SLC17A5: variants seen among roughly 807,000 people sequenced by gnomAD.
SLC17A5 encodes sialin.
Under a neutral mutation model 59.4 loss-of-function variants are expected in SLC17A5, and 47 were observed. The observed-to-expected ratio is 0.79, with a 90% CI of 0.63 to 1.01. SLC17A5 has a LOEUF of 1.01. Among genes scored for constraint, SLC17A5 ranks in the 50% least tolerant of loss-of-function variants. The pLI is 0.00. For synonymous variants in SLC17A5, 202 were observed against 210.7 expected (o/e 0.96, Z 0.36); for missense variants, 522 against 595.5 (o/e 0.88, Z 1.28).
chr6:73,610,094 T>C (rs1581962344), intron 9 of SLC17A5, among the ~76,000 whole-genome samples: 1 of 152,052 alleles, frequency 6.6e-6, no homozygotes, highest in African/African-American at 2.4e-5. Flanking sequence ...AGTGCAATGA[T>C]GCGATCTCAG....
At chr6:73,636,528 G>T in intron 5 of SLC17A5, 93 bp downstream of exon 5, 1 of 762,324 alleles carries the variant, frequency 1.3e-6, no homozygotes. Context: ...GTGGTTCAGT[G>T]ATTTGGAAGA....
chr6:73,599,510 T>C (rs1405237595), intron 10 of SLC17A5, among the ~76,000 whole-genome samples: 2 of 152,236 alleles, frequency 1.3e-5, no homozygotes, highest in Non-Finnish European at 2.9e-5. Context: ...GCATTATCAG[T>C]AAGTGAAATG....
chr6:73,610,374 C>T (rs1245752569), intron 9 of SLC17A5, 26 bp downstream of exon 9: 1 of 1,612,726 alleles, frequency 6.2e-7, no homozygotes, highest in Admixed American at 1.7e-5. Context: ...AAGTCAATCA[C>T]AGCAAATCTT....
At chr6:73,650,213 A>G (rs9360695) in intron 1 of SLC17A5, among the ~76,000 whole-genome samples, 102,451 of 136,750 alleles carry the variant, frequency 0.75, 38,381 homozygotes, top group South Asian at 0.83. Flanking sequence ...AAAAAAAAAA[A>G]AAGAAAGAAA....
intron 2 of SLC17A5, among the ~76,000 whole-genome samples, chr6:73,643,298 C>A (rs1452439267): frequency 6.7e-6 from 1 of 149,276 alleles, no homozygotes; most frequent in Non-Finnish European, 1.5e-5. Flanking sequence ...GTAGCTGGGA[C>A]CACAGGCGCC....
chr6:73,608,907 C>G (rs1007183682), intron 9 of SLC17A5, among the ~76,000 whole-genome samples: 4 of 152,138 alleles, frequency 2.6e-5, no homozygotes, highest in African/African-American at 9.7e-5. Flanking sequence ...GCAGTCCCAG[C>G]GACTCAGGAG....
At position 73,638,418 on chromosome 6, in the gene SLC17A5, A is replaced by C. The variant is rs1581984907; in HGVS notation, c.607T>G (p.Tyr203Asp). Residue 203 changes from tyrosine to aspartate, a missense_variant, in exon 4 of 11, where the codon TAT becomes GAT. Tyr to Asp is a radical substitution (Grantham distance 160). This residue lies in a region of SLC17A5 where 338 missense variants were observed against 363.8 expected (regional missense o/e 0.93). Coordinates refer to ENST00000355773, the MANE Select transcript of SLC17A5 (RefSeq NM_012434.5). The stretch of plus-strand genomic sequence containing the variant: ...TTGGTAATTGTTATCTCACCTGCAT[A>C]TGAAATGCTAAGAAGTTTGCTTCTT... ...LERSKLLSIS[Y>D]AGAQLGTVIS... The C allele has an allele frequency of 1.2e-6, 2 of 1,612,938 alleles. No homozygotes were observed. Among genetic ancestry groups the C allele is most frequent in the Non-Finnish European group, 1.7e-6 (2 of 1,178,934 alleles).
At chr6:73,624,781 G>A (rs1470014837) in intron 6 of SLC17A5, among the ~76,000 whole-genome samples, 1 of 152,102 alleles carries the variant, frequency 6.6e-6, no homozygotes, top group East Asian at 1.9e-4. Flanking sequence ...GCTGAGGCAG[G>A]AGAATCGCTT....
Position 73,594,460 on chromosome 6 carries a change from C to G in SLC17A5, c.*617G>C, listed in dbSNP as rs1766708863. On this transcript the variant is annotated 3_prime_UTR_variant, in exon 11 of 11. Coordinates refer to ENST00000355773, the MANE Select transcript of SLC17A5 (RefSeq NM_012434.5). The stretch of plus-strand genomic sequence containing the variant: ...GGGCTTTATCTACACATTGATAGCC[C>G]CTCAGAGGAAAGGCACCAGCCGAAG... 1 of 161,172 alleles carries G rather than the reference C, an allele frequency of 6.2e-6. No individual in the cohort carries two copies. The highest frequency in any genetic ancestry group is 6.0e-5 in the Admixed American group (1 of 16,690). 10.0% of individuals were successfully genotyped at this position (161,172 alleles called of 1,614,324 possible). A position where few individuals can be genotyped will look rare whatever the true frequency, so the allele number is the denominator to read the frequency against.
chr6:73,635,513 AAAT>A lies in SLC17A5; in HGVS notation c.701-16_701-14del. On this transcript the variant is annotated splice_polypyrimidine_tract_variant and intron_variant, in intron 5 of 10. Coordinates refer to ENST00000355773, the MANE Select transcript of SLC17A5 (RefSeq NM_012434.5). ...ATTCCAATAGTACCTTAAAATAGAA[AAAT>A]AATAGTTAGATAAAATTAGAATGTA... The A allele has an allele frequency of 7.8e-7, 1 of 1,276,378 alleles. No individual in the cohort carries two copies. 79.1% of individuals were successfully genotyped at this position (1,276,378 alleles called of 1,614,324 possible).
chr6:73,643,060 T>C (rs1262822945), intron 2 of SLC17A5, among the ~76,000 whole-genome samples: 1 of 152,176 alleles, frequency 6.6e-6, no homozygotes, highest in Non-Finnish European at 1.5e-5. Context: ...CCTGCTTGAA[T>C]GCTCTGCTTG....
chr6:73,616,586 T>C (rs1023599522), intron 7 of SLC17A5, among the ~76,000 whole-genome samples: 8 of 139,356 alleles, frequency 5.7e-5, no homozygotes, highest in African/African-American at 2.2e-4. Context: ...CACACGTTTA[T>C]TTTTAACAGA....
chr6:73,629,508 C>A (rs1054614324), intron 6 of SLC17A5, among the ~76,000 whole-genome samples: 1 of 152,174 alleles, frequency 6.6e-6, no homozygotes, highest in Non-Finnish European at 1.5e-5. Flanking sequence ...TGTGGTGGCT[C>A]ACGCTTGTAA....
chr6:73,629,214 C>T (rs1370649554), intron 6 of SLC17A5, among the ~76,000 whole-genome samples: 1 of 151,786 alleles, frequency 6.6e-6, no homozygotes, highest in Non-Finnish European at 1.5e-5. Context: ...ATGGCAAAAC[C>T]CTGTCTCTAC....
intron 6 of SLC17A5, among the ~76,000 whole-genome samples, chr6:73,628,929 A>G (rs1768562045): frequency 6.6e-6 from 1 of 152,256 alleles, no homozygotes; most frequent in Non-Finnish European, 1.5e-5. Flanking sequence ...TGCAAGTAAC[A>G]GCAAATTGAT....
At chr6:73,600,570 A>C in intron 9 of SLC17A5, 129 bp from the exon 10 acceptor site, 3 of 737,302 alleles carry the variant, frequency 4.1e-6, no homozygotes, top group Non-Finnish European at 6.8e-6. Flanking sequence ...GGGCAGTGGG[A>C]TGATCTCAGC....
At chr6:73,601,546 C>G in intron 9 of SLC17A5, among the ~76,000 whole-genome samples, 1 of 96,936 alleles carries the variant, frequency 1.0e-5, no homozygotes, top group Non-Finnish European at 2.1e-5. Flanking sequence ...GCCAACCCGT[C>G]CGGGAGGTGA....
intron 1 of SLC17A5, among the ~76,000 whole-genome samples, chr6:73,646,671 TTTTC>T (rs1166027912): frequency 1.3e-4 from 20 of 150,276 alleles, no homozygotes; most frequent in African/African-American, 3.5e-4. Flanking sequence ...ACATTTTCTT[TTTTC>T]TTTCTTTTTT....
intron 4 of SLC17A5, 132 bp from the exon 5 acceptor site, chr6:73,636,839 G>A: frequency 1.4e-6 from 1 of 720,228 alleles, no homozygotes. Context: ...CCTGCACTTT[G>A]GGAGGCTGAT....
Sources: allele counts gnomAD v4.1 joint callset (sites outside exome capture counted in the v4.1 genomes callset), GRCh38; gene constraint gnomAD v4.1.1; regional missense constraint gnomAD v4.1.1; transcripts MANE v1.5; gene names NCBI Gene and HGNC (gene_info 2026-07-23, HGNC 2026-07-21).